The following DNAJC12 variants were observed in gnomAD, a reference collection of about 807,000 sequenced individuals.
The protein encoded by DNAJC12 is dnaJ homolog subfamily C member 12.
Under a neutral mutation model 28.5 loss-of-function variants are expected in DNAJC12, and 25 were observed. That is an observed-to-expected ratio of 0.88 (90% confidence interval 0.64 to 1.22). DNAJC12 has a LOEUF of 1.22. DNAJC12 is among the 50% of genes most tolerant of loss of function. DNAJC12 has a pLI of 0.00. For missense variants in DNAJC12, 222 were observed against 231.7 expected (o/e 0.96, Z 0.27); for synonymous variants, 77 against 80.6 (o/e 0.95, Z 0.24).
intron 1 of DNAJC12, among the ~76,000 whole-genome samples, chr10:67,832,437 A>G (rs1842103742): frequency 6.6e-6 from 1 of 152,146 alleles, no homozygotes. Flanking sequence ...CTCTAATCAA[A>G]TGATAATTAA....
At chr10:67,821,407 T>G (rs549444751) in intron 2 of DNAJC12, among the ~76,000 whole-genome samples, 3 of 152,142 alleles carry the variant, frequency 2.0e-5, no homozygotes, top group Non-Finnish European at 4.4e-5. Flanking sequence ...TCCCAGCTAC[T>G]CGGGAGGCTG....
intron 1 of DNAJC12, among the ~76,000 whole-genome samples, chr10:67,824,406 T>C (rs1842010274): frequency 6.6e-6 from 1 of 152,028 alleles, no homozygotes; most frequent in Admixed American, 6.6e-5. Context: ...AAGCTCCTTC[T>C]TCCTGTCTTT....
chr10:67,807,067 C>T (rs569879642), intron 3 of DNAJC12, among the ~76,000 whole-genome samples: 34 of 152,084 alleles, frequency 2.2e-4, no homozygotes, highest in African/African-American at 8.0e-4. Context: ...CCAAACCAGC[C>T]TGGCCAACAT....
At chr10:67,809,830 T>G (rs568625721) in intron 3 of DNAJC12, among the ~76,000 whole-genome samples, 10 of 152,070 alleles carry the variant, frequency 6.6e-5, no homozygotes, top group Non-Finnish European at 1.2e-4. Context: ...TAATGGACTT[T>G]GGAGACTCAA....
At chr10:67,819,962 G>T (rs1231600292) in intron 2 of DNAJC12, among the ~76,000 whole-genome samples, 1 of 152,130 alleles carries the variant, frequency 6.6e-6, no homozygotes, top group Admixed American at 6.5e-5. Flanking sequence ...AAGCAAACAT[G>T]CAATAAGGAG....
chr10:67,817,466 C>T (rs1841927291), intron 2 of DNAJC12, among the ~76,000 whole-genome samples: 1 of 152,166 alleles, frequency 6.6e-6, no homozygotes, highest in Non-Finnish European at 1.5e-5. Flanking sequence ...TTTAATTTAT[C>T]CTACCCAAAG....
chr10:67,805,744 T>C lies in DNAJC12; in HGVS notation c.341A>G (p.Glu114Gly), dbSNP rs987559396. ...GGTGGTATGAGTCTTGTCAGATTCT[T>C]CCAGCATCAGGTCTTTTTTACCTCT... ...VVRGKKDLML[E>G]ESDKTHTTKM... The change falls in exon 4 of 5, where the codon GAA becomes GGA. Residue 114 changes from glutamate (E) to glycine (G), a missense_variant. Transcript: ENST00000225171. 3 of 1,610,340 alleles carry C rather than the reference T, an allele frequency of 1.9e-6. No individual in the cohort carries two copies. The highest frequency in any genetic ancestry group is 2.7e-5 in the African/African-American group (2 of 74,544).
chr10:67,830,168 A>G (rs1291123414), intron 1 of DNAJC12, among the ~76,000 whole-genome samples: 1 of 152,008 alleles, frequency 6.6e-6, no homozygotes, highest in African/African-American at 2.4e-5. Context: ...AAAAATTAAA[A>G]AATTAGCCTG....
At chr10:67,831,033 A>C (rs1295194189) in intron 1 of DNAJC12, among the ~76,000 whole-genome samples, 2 of 152,120 alleles carry the variant, frequency 1.3e-5, no homozygotes, top group African/African-American at 4.8e-5. Context: ...CTAAAGATAC[A>C]AAAAATTAGC....
At chr10:67,816,602 G>A (rs2131801547) in intron 2 of DNAJC12, among the ~76,000 whole-genome samples, 1 of 143,740 alleles carries the variant, frequency 7.0e-6, no homozygotes, top group Admixed American at 7.2e-5. Context: ...CTGGAGCACT[G>A]TGACACAACC....
At chr10:67,820,777 CTTTTTTTTTT>C (rs71006170) in intron 2 of DNAJC12, among the ~76,000 whole-genome samples, 1 of 68,520 alleles carries the variant, frequency 1.5e-5, no homozygotes, top group Non-Finnish European at 2.8e-5. Context: ...TTCTTTTTTC[CTTTTTTTTTT>C]TTTTTTTTTT....
intron 3 of DNAJC12, chr10:67,811,285 C>T (rs1027646483): frequency 5.5e-5 from 73 of 1,338,316 alleles, no homozygotes; most frequent in Admixed American, 7.1e-5. Flanking sequence ...TATACTGAAA[C>T]AAACAGCCAA....
intron 1 of DNAJC12, among the ~76,000 whole-genome samples, chr10:67,827,885 T>G (rs746925434): frequency 2.0e-4 from 30 of 152,214 alleles, no homozygotes; most frequent in Admixed American, 1.3e-4. Context: ...ATGAAGTTTA[T>G]TACAAAGCTT....
At chr10:67,829,917 C>T in intron 1 of DNAJC12, among the ~76,000 whole-genome samples, 1 of 151,884 alleles carries the variant, frequency 6.6e-6, no homozygotes, top group Non-Finnish European at 1.5e-5. Context: ...TGTTATACTG[C>T]ATATAATAAT....
At chr10:67,820,118 T>A (rs559912277) in intron 2 of DNAJC12, among the ~76,000 whole-genome samples, 1 of 151,858 alleles carries the variant, frequency 6.6e-6, no homozygotes, top group African/African-American at 2.4e-5. Context: ...AACCATGGAG[T>A]GTTTCAGGCA....
intron 1 of DNAJC12, among the ~76,000 whole-genome samples, chr10:67,832,938 T>C (rs1229755933): frequency 6.6e-6 from 1 of 152,152 alleles, no homozygotes; most frequent in African/African-American, 2.4e-5. Flanking sequence ...CAACATCACT[T>C]CTGAGGAGTT....
At chr10:67,819,765 A>AGGGAGGGAGG (rs1315717872) in intron 2 of DNAJC12, among the ~76,000 whole-genome samples, 30 of 19,142 alleles carry the variant, frequency 1.6e-3, no homozygotes, top group Admixed American at 2.5e-3. Context: ...GAAGGAAGGA[A>AGGGAGGGAGG]GGAAGGAAGG....
chr10:67,802,263 T>C (rs1339851429), intron 4 of DNAJC12, among the ~76,000 whole-genome samples: 1 of 152,174 alleles, frequency 6.6e-6, no homozygotes, highest in Non-Finnish European at 1.5e-5. Context: ...AAATTGATTA[T>C]ATGAATTGGC....
chr10:67,797,884 CA>C (rs1181688853), intron 4 of DNAJC12, among the ~76,000 whole-genome samples: 4 of 151,758 alleles, frequency 2.6e-5, no homozygotes, highest in Non-Finnish European at 4.4e-5. Context: ...ACTAAAAATA[CA>C]AAAAATTAGC....
Sources: gnomAD v4.1 joint callset for allele counts (sites outside exome capture counted in the v4.1 genomes callset) on GRCh38, gnomAD v4.1.1 for gene constraint, MANE v1.5 for transcripts, NCBI Gene and HGNC (gene_info 2026-07-23, HGNC 2026-07-21) for gene names.